Variants in GRIA4 observed in about 807,000 individuals in gnomAD.
GRIA4 encodes the protein glutamate ionotropic receptor AMPA type subunit 4, also known as glutamate receptor 4.
In GRIA4, 34 loss-of-function variants were observed where a neutral mutation model predicts 104.0. The observed-to-expected ratio is 0.33, with a 90% CI of 0.25 to 0.44. The LOEUF (loss-of-function observed/expected upper bound fraction) is 0.44, where lower values mean the gene tolerates loss of function less well. Among genes scored for constraint, GRIA4 ranks in the 20% least tolerant of loss-of-function variants. The probability of loss-of-function intolerance (pLI) is 1.00; values close to 1 mark genes in which losing one functional copy is unlikely to be tolerated. For synonymous variants in GRIA4, 386 were observed against 381.9 expected, an observed-to-expected ratio of 1.01 and a Z score of -0.13; for missense variants, 750 against 1,096.5, an observed-to-expected ratio of 0.68 and a Z score of 4.46.
intron 3 of GRIA4, among the ~76,000 whole-genome samples, chr11:105,631,189 G>A (rs1345578989): frequency 3.9e-5 from 6 of 152,094 alleles, no homozygotes; most frequent in Non-Finnish European, 7.4e-5. Flanking sequence ...GAAGACCACC[G>A]AAAATCTCAG....
At chr11:105,781,473 A>G (rs554776831) in intron 4 of GRIA4, among the ~76,000 whole-genome samples, 7 of 152,240 alleles carry the variant, frequency 4.6e-5, no homozygotes, top group African/African-American at 1.7e-4. Flanking sequence ...ACCATAAGTT[A>G]CGTTTCTACA....
chr11:105,653,496 A>G (rs561500532), intron 3 of GRIA4, among the ~76,000 whole-genome samples: 1 of 152,198 alleles, frequency 6.6e-6, no homozygotes, highest in Non-Finnish European at 1.5e-5. Flanking sequence ...GCAAGACTTC[A>G]TCACATGGCT....
intron 11 of GRIA4, among the ~76,000 whole-genome samples, chr11:105,921,306 G>GGTGT (rs5794436): frequency 0.13 from 17,715 of 138,662 alleles, 1,160 homozygotes; most frequent in South Asian, 0.17. Context: ...ACCACACTTG[G>GGTGT]GTGTGTGTGT....
At chr11:105,932,111 G>C (rs771558943) in intron 13 of GRIA4, among the ~76,000 whole-genome samples, 2 of 151,276 alleles carry the variant, frequency 1.3e-5, no homozygotes, top group Admixed American at 1.3e-4. Context: ...AAATGCAGTT[G>C]CACCAGACAA....
chr11:105,817,426 C>T (rs1251900933), intron 4 of GRIA4, among the ~76,000 whole-genome samples: 1 of 150,824 alleles, frequency 6.6e-6, no homozygotes, highest in Non-Finnish European at 1.5e-5. Flanking sequence ...CATTTGGGTG[C>T]TTTATAGTAA....
intron 14 of GRIA4, among the ~76,000 whole-genome samples, chr11:105,958,814 A>C (rs1480382701): frequency 6.6e-6 from 1 of 152,162 alleles, no homozygotes; most frequent in Non-Finnish European, 1.5e-5. Flanking sequence ...GGTAGTAACA[A>C]AATCCCTCAG....
chr11:105,935,289 A>T (rs1386443893), intron 14 of GRIA4, among the ~76,000 whole-genome samples: 4 of 152,148 alleles, frequency 2.6e-5, no homozygotes, highest in African/African-American at 9.7e-5. Context: ...AGTAAAGACA[A>T]ATTTGGTTAT....
intron 6 of GRIA4, among the ~76,000 whole-genome samples, chr11:105,895,243 G>A (rs1946607558): frequency 7.9e-6 from 1 of 125,932 alleles, no homozygotes; most frequent in South Asian, 3.0e-4. Context: ...CAAAAGCTAC[G>A]AGCTCATGCG....
chr11:105,843,132 T>C (rs908963301), intron 4 of GRIA4, among the ~76,000 whole-genome samples: 2 of 152,156 alleles, frequency 1.3e-5, no homozygotes, highest in Non-Finnish European at 2.9e-5. Context: ...GTTTTTAAGA[T>C]CCTCGCTCTT....
chr11:105,728,338 T>C (rs776079285), intron 3 of GRIA4, among the ~76,000 whole-genome samples: 14 of 152,222 alleles, frequency 9.2e-5, no homozygotes, highest in Admixed American at 7.9e-4. Flanking sequence ...TCTAAATATA[T>C]ATGCACCCAA....
At chr11:105,843,418 T>A (rs1391763328) in intron 4 of GRIA4, among the ~76,000 whole-genome samples, 1 of 152,216 alleles carries the variant, frequency 6.6e-6, no homozygotes, top group African/African-American at 2.4e-5. Flanking sequence ...AATATATAAC[T>A]TATTAGAGCC....
rs146066532 is a variant in GRIA4 at position 105,782,837 on chromosome 11, T to G, written c.487+29617T>G. Among the ~76,000 whole-genome samples, 49 of 152,336 alleles carry G rather than the reference T, an allele frequency of 3.2e-4. 1 individual carries two copies. The highest frequency in any genetic ancestry group is 2.7e-3 in the Admixed American group (41 of 15,302). On this transcript the variant is annotated intron_variant, in intron 4 of 16. Coordinates refer to ENST00000282499, the MANE Select transcript of GRIA4 (RefSeq NM_000829.4). ...GAAGGTCAAGGGCTTTGGGCTCAAA[T>G]AGACCTGGCTCAGGTTTGAGGTCTC... is the stretch of plus-strand genomic sequence containing the variant.
At chr11:105,807,367 T>C (rs767298373) in intron 4 of GRIA4, among the ~76,000 whole-genome samples, 10 of 151,896 alleles carry the variant, frequency 6.6e-5, no homozygotes, top group Admixed American at 2.0e-4. Flanking sequence ...TGATGAGATA[T>C]CAATAGATAA....
chr11:105,967,783 A>G (rs1253747273), intron 14 of GRIA4, among the ~76,000 whole-genome samples: 1 of 152,096 alleles, frequency 6.6e-6, no homozygotes, highest in Non-Finnish European at 1.5e-5. Context: ...CTAAATGTTA[A>G]TAATACCCTA....
chr11:105,725,394 T>C (rs1283224946), intron 3 of GRIA4, among the ~76,000 whole-genome samples: 1 of 152,142 alleles, frequency 6.6e-6, no homozygotes. Flanking sequence ...AGGACACTCA[T>C]GCCATTGCCT....
chr11:105,666,578 A>G (rs928608992), intron 3 of GRIA4, among the ~76,000 whole-genome samples: 3 of 151,994 alleles, frequency 2.0e-5, no homozygotes, highest in Middle Eastern at 3.2e-3. Context: ...AATGATTATT[A>G]TATTTATTGC....
intron 4 of GRIA4, among the ~76,000 whole-genome samples, chr11:105,781,087 T>C (rs1305448679): frequency 6.6e-6 from 1 of 152,228 alleles, no homozygotes; most frequent in African/African-American, 2.4e-5. Context: ...GTTTCAAAAC[T>C]GATCCTACAT....
intron 14 of GRIA4, among the ~76,000 whole-genome samples, chr11:105,957,392 G>C (rs894075601): frequency 4.6e-5 from 7 of 151,902 alleles, no homozygotes; most frequent in East Asian, 1.9e-4. Context: ...GCTTGTTTTT[G>C]TCAGGTTTGT....
At chr11:105,732,671 C>T (rs533127569) in intron 3 of GRIA4, among the ~76,000 whole-genome samples, 9 of 152,152 alleles carry the variant, frequency 5.9e-5, no homozygotes, top group Non-Finnish European at 1.0e-4. Flanking sequence ...GATTTTTACA[C>T]GATCCAATGC....
Sources: allele counts gnomAD v4.1 joint callset (sites outside exome capture counted in the v4.1 genomes callset), GRCh38; gene constraint gnomAD v4.1.1; transcripts MANE v1.5; gene names NCBI Gene and HGNC (gene_info 2026-07-23, HGNC 2026-07-21).